The following CDH7 variants were observed in gnomAD, a reference collection of about 807,000 sequenced individuals.
CDH7 encodes cadherin 7.
A neutral mutation model predicts 71.8 loss-of-function variants in CDH7; 25 were observed. That is an observed-to-expected ratio of 0.35 (90% CI 0.25 to 0.49). CDH7 has a LOEUF of 0.49. Ranked by LOEUF, CDH7 falls within the 20% of genes least tolerant of loss-of-function variation. The pLI is 0.99. For synonymous variants in CDH7, 381 were observed against 363.8 expected (o/e 1.05, Z -0.54); for missense variants, 862 against 974.6 (o/e 0.88, Z 1.54).
chr18:65,834,181 G>C (rs1172537569), intron 6 of CDH7, among the ~76,000 whole-genome samples: 1 of 152,200 alleles, frequency 6.6e-6, no homozygotes, highest in Non-Finnish European at 1.5e-5. Context: ...GACATAGCCA[G>C]TATTTCTAGT....
intron 2 of CDH7, among the ~76,000 whole-genome samples, chr18:65,776,059 G>A (rs1383753631): frequency 6.6e-6 from 1 of 152,100 alleles, no homozygotes; most frequent in Non-Finnish European, 1.5e-5. Flanking sequence ...GAACAGAACT[G>A]GCAACACATA....
rs1478324248 is a variant in CDH7 at position 65,823,190 on chromosome 18, T to A, written c.793+942T>A. Among the ~76,000 whole-genome samples, 3 of 151,982 alleles carry A rather than the reference T, an allele frequency of 2.0e-5. No homozygotes were observed. The East Asian group carries it at 5.8e-4, about 29-fold the overall frequency. On this transcript the variant is annotated intron_variant, in intron 5 of 11. Coordinates refer to ENST00000397968, the MANE Select transcript of CDH7 (RefSeq NM_004361.5). Reference sequence around the variant, plus strand: ...TTAAAATTTTCCTCTTTATCTTACATATTTTTAATATTTATATTATTATAC... The same window carrying A: ...TTAAAATTTTCCTCTTTATCTTACAAATTTTTAATATTTATATTATTATAC...
chr18:65,877,090 A>T (rs762648607), intron 11 of CDH7, among the ~76,000 whole-genome samples: 30 of 152,356 alleles, frequency 2.0e-4, no homozygotes, highest in Admixed American at 1.9e-3. Context: ...TTCTTGTTCT[A>T]TGTAAACATT....
At chr18:65,850,924 A>G (rs1049050678) in intron 7 of CDH7, among the ~76,000 whole-genome samples, 1 of 149,734 alleles carries the variant, frequency 6.7e-6, no homozygotes, top group East Asian at 2.0e-4. Context: ...TGATCCTCCC[A>G]TTTCAGCCTC....
chr18:65,844,105 C>CA (rs1210401541), intron 7 of CDH7, 40 bp downstream of exon 7: 1 of 1,579,908 alleles, frequency 6.3e-7, no homozygotes, highest in African/African-American at 1.4e-5. Context: ...GTTTTACAAA[C>CA]AATGCATTCT....
intron 2 of CDH7, among the ~76,000 whole-genome samples, chr18:65,794,171 G>GGT (rs1555683356): frequency 6.6e-6 from 1 of 151,000 alleles, no homozygotes; most frequent in Non-Finnish European, 1.5e-5. Context: ...ATAATACACA[G>GGT]TTTTTTTTTC....
At chr18:65,825,852 C>T (rs1181682544) in intron 6 of CDH7, among the ~76,000 whole-genome samples, 1 of 151,662 alleles carries the variant, frequency 6.6e-6, no homozygotes, top group Non-Finnish European at 1.5e-5. Flanking sequence ...CTAGAGTAGG[C>T]CAACTGTTGG....
At chr18:65,754,503 G>A (rs931835766) in intron 1 of CDH7, among the ~76,000 whole-genome samples, 1 of 152,190 alleles carries the variant, frequency 6.6e-6, no homozygotes, top group Non-Finnish European at 1.5e-5. Context: ...ACAAAAGAGA[G>A]AGCTCTTTCA....
chr18:65,814,897 C>G (rs1369224424), intron 4 of CDH7, among the ~76,000 whole-genome samples: 1 of 152,006 alleles, frequency 6.6e-6, no homozygotes, highest in Non-Finnish European at 1.5e-5. Flanking sequence ...AGAGCTTTAC[C>G]TGTGTTTTGT....
chr18:65,859,592 C>T (rs1913486346), intron 9 of CDH7, 116 bp from the exon 10 acceptor site: 2 of 652,482 alleles, frequency 3.1e-6, no homozygotes, highest in Admixed American at 2.5e-5. Flanking sequence ...TCCTTTCTCC[C>T]TAGCTCATTC....
chr18:65,842,817 A>G (rs1038204866), intron 6 of CDH7, among the ~76,000 whole-genome samples: 2 of 144,336 alleles, frequency 1.4e-5, no homozygotes, highest in African/African-American at 5.0e-5. Context: ...CAACTAAGTC[A>G]AGTATGTATT....
At chr18:65,863,059 A>T (rs758690726) in intron 11 of CDH7, 142 bp downstream of exon 11, 10 of 903,832 alleles carry the variant, frequency 1.1e-5, no homozygotes, top group Non-Finnish European at 1.7e-5. Context: ...TTTCTTTGAG[A>T]CGGGGTCTCA....
intron 6 of CDH7, among the ~76,000 whole-genome samples, chr18:65,831,911 G>A (rs373740619): frequency 6.6e-6 from 1 of 151,436 alleles, no homozygotes; most frequent in Non-Finnish European, 1.5e-5. Flanking sequence ...CCACCAAAAC[G>A]AACAGTTTTT....
chr18:65,861,474 C>T (rs1301848608), intron 10 of CDH7, among the ~76,000 whole-genome samples: 3 of 150,828 alleles, frequency 2.0e-5, no homozygotes, highest in Non-Finnish European at 4.4e-5. Flanking sequence ...CATAGGCCTG[C>T]GTGCTATTGT....
At chr18:65,809,661 C>T in intron 2 of CDH7, 43 bp from the exon 3 acceptor site, 1 of 1,509,444 alleles carries the variant, frequency 6.6e-7, no homozygotes, top group Non-Finnish European at 9.1e-7. Context: ...ATATCACTGA[C>T]TCTCTTGTAA....
intron 2 of CDH7, among the ~76,000 whole-genome samples, chr18:65,789,812 T>C (rs1008949731): frequency 9.9e-5 from 15 of 152,128 alleles, no homozygotes; most frequent in Non-Finnish European, 2.2e-4. Flanking sequence ...TTGTTGCATT[T>C]ACAGCACCAG....
Position 65,837,782 on chromosome 18 carries a change from AG to A in CDH7, c.982-6026del, listed in dbSNP as rs551018591. On this transcript the variant is annotated intron_variant, in intron 6 of 11. Coordinates refer to ENST00000397968, the MANE Select transcript of CDH7 (RefSeq NM_004361.5). ...GACAGAATGCAGTTGTTCATAATAA[AG>A]GGGATGTATTTTGCTTTGGAAAGTT... Among the ~76,000 whole-genome samples the A allele has an allele frequency of 2.5e-3, 383 of 152,244 alleles. 2 individuals are homozygous for A. The highest frequency in any genetic ancestry group is 8.9e-3 in the African/African-American group (369 of 41,550).
chr18:65,768,229 T>C (rs1029456073), intron 2 of CDH7, among the ~76,000 whole-genome samples: 3 of 152,086 alleles, frequency 2.0e-5, no homozygotes, highest in African/African-American at 4.8e-5. Flanking sequence ...GTTGTTTTTT[T>C]TTTTTATTTT....
intron 2 of CDH7, among the ~76,000 whole-genome samples, chr18:65,781,874 C>CTCTT (rs1297059165): frequency 8.8e-6 from 1 of 113,268 alleles, no homozygotes; most frequent in African/African-American, 4.0e-5. Context: ...TTCTCTCTCT[C>CTCTT]TCTCTGTCTC....
Sources: allele counts gnomAD v4.1 joint callset (sites outside exome capture counted in the v4.1 genomes callset), GRCh38; gene constraint gnomAD v4.1.1; transcripts MANE v1.5; gene names NCBI Gene and HGNC (gene_info 2026-07-23, HGNC 2026-07-21).